Variants in OSBPL10 observed in about 807,000 individuals in gnomAD.
OSBPL10 encodes the protein oxysterol-binding protein-related protein 10.
A neutral mutation model predicts 81.7 loss-of-function variants in OSBPL10; 49 were observed. The observed-to-expected ratio is 0.60, with a 90% CI of 0.48 to 0.76. The LOEUF (loss-of-function observed/expected upper bound fraction) is 0.76, where lower values mean the gene tolerates loss of function less well. Ranked by LOEUF, OSBPL10 falls within the 30% of genes least tolerant of loss-of-function variation. The pLI is 0.00. For synonymous variants in OSBPL10, 419 were observed against 383.6 expected, an observed-to-expected ratio of 1.09 and a Z score of -1.08; for missense variants, 923 against 987.8, an observed-to-expected ratio of 0.93 and a Z score of 0.88.
intron 8 of OSBPL10, among the ~76,000 whole-genome samples, chr3:31,674,818 T>C (rs1173494541): frequency 6.6e-6 from 1 of 152,184 alleles, no homozygotes; most frequent in East Asian, 1.9e-4. Context: ...CTCTCAGGTA[T>C]TCCTTTATAG....
At chr3:31,762,661 G>GTTTT (rs1475864559) in intron 4 of OSBPL10, among the ~76,000 whole-genome samples, 1 of 20,648 alleles carries the variant, frequency 4.8e-5, no homozygotes, top group African/African-American at 2.5e-4. Flanking sequence ...TAGAGATGGG[G>GTTTT]TTTCACCAAG....
intron 8 of OSBPL10, among the ~76,000 whole-genome samples, chr3:31,671,896 A>T (rs773525838): frequency 6.6e-6 from 1 of 152,108 alleles, no homozygotes; most frequent in Non-Finnish European, 1.5e-5. Context: ...CCAGCACTAC[A>T]GCTCTCTTAA....
chr3:31,722,497 C>T (rs1029057540), intron 6 of OSBPL10, among the ~76,000 whole-genome samples: 11 of 152,088 alleles, frequency 7.2e-5, no homozygotes, highest in African/African-American at 1.9e-4. Flanking sequence ...GGTTTTAGCA[C>T]TAAAAATTCA....
At chr3:31,783,450 A>G (rs972496503) in intron 4 of OSBPL10, among the ~76,000 whole-genome samples, 24 of 151,836 alleles carry the variant, frequency 1.6e-4, no homozygotes, top group Non-Finnish European at 2.9e-4. Flanking sequence ...AGAAATCACC[A>G]CTAAAGAACT....
At chr3:31,882,376 T>C (rs1447378810) in intron 1 of OSBPL10, among the ~76,000 whole-genome samples, 1 of 152,192 alleles carries the variant, frequency 6.6e-6, no homozygotes, top group Non-Finnish European at 1.5e-5. Context: ...ACCAGGGCTA[T>C]TCAAAGTGTG....
Position 31,929,999 on chromosome 3 carries a change from CAACCAA to C in OSBPL10, c.282-50175_282-50170del, listed in dbSNP as rs1198010348. Among the ~76,000 whole-genome samples, 98 of 28,002 alleles carry C rather than the reference CAACCAA, an allele frequency of 3.5e-3. 1 individual carries two copies. In the South Asian group the frequency reaches 0.096, roughly 28 times the overall value. 18.4% of individuals were successfully genotyped at this position (28,002 alleles called of 152,430 possible). On this transcript the variant is annotated intron_variant, in intron 1 of 11. Transcript: ENST00000396556. Reference sequence around the variant, plus strand: ...GGGTGATCAAGTGAGACCCTGTCACCAACCAAAAAAAAAAAAAAAAAAAAAAACAGG... The same window carrying C: ...GGGTGATCAAGTGAGACCCTGTCACCAAAAAAAAAAAAAAAAAAAAACAGG...
At chr3:31,695,855 T>C (rs114704201) in intron 7 of OSBPL10, among the ~76,000 whole-genome samples, 13 of 152,244 alleles carry the variant, frequency 8.5e-5, no homozygotes, top group East Asian at 5.8e-4. Context: ...ACTGGGTAAA[T>C]TGAAGCAGTC....
At chr3:31,710,345 C>G (rs754551115) in intron 6 of OSBPL10, among the ~76,000 whole-genome samples, 1 of 152,198 alleles carries the variant, frequency 6.6e-6, no homozygotes, top group Non-Finnish European at 1.5e-5. Context: ...ACTGGGCACA[C>G]AGTGGTATGT....
chr3:31,732,624 C>T (rs1697011564), intron 6 of OSBPL10: 1 of 152,424 alleles, frequency 6.6e-6, no homozygotes, highest in South Asian at 2.1e-4. Context: ...TGGCTCCCCT[C>T]CAGCGGCCAC....
chr3:31,662,273 C>A, intron 11 of OSBPL10, 157 bp from the exon 12 acceptor site: 1 of 1,409,040 alleles, frequency 7.1e-7, no homozygotes, highest in Non-Finnish European at 9.2e-7. Context: ...AGCCCAGCTG[C>A]TCTTTGGAGA....
At chr3:31,898,006 CAAAAAAAAAAAAAAA>C (rs58479197) in intron 1 of OSBPL10, among the ~76,000 whole-genome samples, 7 of 62,478 alleles carry the variant, frequency 1.1e-4, no homozygotes, top group East Asian at 5.6e-4. Flanking sequence ...AGAACTCTGT[CAAAAAAAAAAAAAAA>C]AAAAAAAAAA....
intron 8 of OSBPL10, among the ~76,000 whole-genome samples, chr3:31,679,502 G>C (rs561289257): frequency 6.6e-6 from 1 of 152,142 alleles, no homozygotes; most frequent in African/African-American, 2.4e-5. Context: ...AGATTTATTC[G>C]AGCCACCACT....
At chr3:31,816,561 A>G (rs1268074438) in intron 4 of OSBPL10, among the ~76,000 whole-genome samples, 1 of 152,202 alleles carries the variant, frequency 6.6e-6, no homozygotes, top group African/African-American at 2.4e-5. Flanking sequence ...GTGTCCAGAT[A>G]TTTGGTCAAA....
chr3:31,706,074 C>T (rs772627129), intron 6 of OSBPL10, among the ~76,000 whole-genome samples: 3 of 152,116 alleles, frequency 2.0e-5, no homozygotes, highest in African/African-American at 4.8e-5. Context: ...ACAGAAATTA[C>T]GACAATATTT....
chr3:31,722,148 A>T (rs1470869231), intron 6 of OSBPL10, among the ~76,000 whole-genome samples: 2 of 152,070 alleles, frequency 1.3e-5, no homozygotes, highest in African/African-American at 2.4e-5. Flanking sequence ...AGACTTAGAA[A>T]TTTTTTTTAA....
intron 4 of OSBPL10, among the ~76,000 whole-genome samples, chr3:31,782,583 ATGAATCAG>A (rs1307693505): frequency 6.6e-6 from 1 of 152,202 alleles, no homozygotes; most frequent in Non-Finnish European, 1.5e-5. Flanking sequence ...AGGAACTCAA[ATGAATCAG>A]CAAGAAAAAA....
At chr3:31,751,307 G>A (rs79988050) in intron 4 of OSBPL10, among the ~76,000 whole-genome samples, 11,705 of 151,948 alleles carry the variant, frequency 0.077, 464 homozygotes, top group African/African-American at 0.11. Context: ...TGACCACACC[G>A]CTACACTCCA....
chr3:31,946,569 G>C (rs1697708949), intron 1 of OSBPL10, among the ~76,000 whole-genome samples: 1 of 152,184 alleles, frequency 6.6e-6, no homozygotes, highest in East Asian at 1.9e-4. Context: ...CGTGTGAACA[G>C]AGCAATTGCG....
chr3:31,842,584 A>G (rs745466398), intron 3 of OSBPL10, among the ~76,000 whole-genome samples: 8 of 152,278 alleles, frequency 5.3e-5, no homozygotes, highest in Non-Finnish European at 1.0e-4. Context: ...AACAGACGTT[A>G]GAGCACATGA....
Sources: gnomAD v4.1 joint callset for allele counts (sites outside exome capture counted in the v4.1 genomes callset) on GRCh38, gnomAD v4.1.1 for gene constraint, MANE v1.5 for transcripts, NCBI Gene and HGNC (gene_info 2026-07-23, HGNC 2026-07-21) for gene names.